The following TMEM256 variants were observed in gnomAD, a reference collection of about 807,000 sequenced individuals.
TMEM256 encodes UPF0451 protein C17orf61.
TMEM256 carries 14 observed loss-of-function variants against 14.8 expected under a neutral mutation model. That is an observed-to-expected ratio of 0.95 (90% CI 0.63 to 1.48). TMEM256 has a LOEUF of 1.48. TMEM256 is among the 40% of genes most tolerant of loss of function. TMEM256 has a pLI of 0.00. For missense variants in TMEM256, 146 were observed against 137.9 expected, an observed-to-expected ratio of 1.06 and a Z score of -0.30; for synonymous variants, 68 against 60.7, an observed-to-expected ratio of 1.12 and a Z score of -0.56.
At chr17:7,403,633 G>C in intron 2 of TMEM256, 25 bp downstream of exon 2, 3 of 1,613,786 alleles carry the variant, frequency 1.9e-6, no homozygotes, top group Non-Finnish European at 2.5e-6. Context: ...CCACGAGTCA[G>C]GGAGCCCCAG....
At position 7,403,784 on chromosome 17, in the gene TMEM256, A is replaced by ACCCCCC. The variant is rs56134360; in HGVS notation, c.86-101_86-96dup. ...CAGGTGGACATTGGCGAGAAAGGGC[A>ACCCCCC]CCCCCCCCCCCGCCCCAGGAAGCTT... is the stretch of plus-strand genomic sequence containing the variant. On this transcript the variant is annotated intron_variant, in intron 1 of 3. Coordinates refer to ENST00000302422, the MANE Select transcript of TMEM256 (RefSeq NM_152766.5). 508 of 1,030,740 alleles carry ACCCCCC rather than the reference A, an allele frequency of 4.9e-4. 7 individuals are homozygous for ACCCCCC. The highest frequency in any genetic ancestry group is 2.6e-3 in the African/African-American group (113 of 43,612). 63.8% of individuals were successfully genotyped at this position (1,030,740 alleles called of 1,614,324 possible).
At chr17:7,403,790 C>CCT in intron 1 of TMEM256, 101 bp from the exon 2 acceptor site, 7 of 1,034,970 alleles carry the variant, frequency 6.8e-6, no homozygotes, top group Middle Eastern at 2.8e-4. Flanking sequence ...GGGCACCCCC[C>CCT]CCCCCGCCCC....
chr17:7,404,010 G>T lies in TMEM256; in HGVS notation c.75C>A (p.Tyr25Ter). 1 of 1,597,900 alleles carries T rather than the reference G, an allele frequency of 6.3e-7. No individual in the cohort carries two copies. Among genetic ancestry groups the T allele is most frequent in the South Asian group, 1.1e-5 (1 of 88,458 alleles). The change falls in exon 1 of 4, where the codon TAC (tyrosine) becomes TAA (stop). Residue 25 changes from tyrosine to a stop codon, truncating the protein, a stop_gained. Transcript: ENST00000302422. LOFTEE classifies it high-confidence loss of function. ...CCCCAGCCCCCTGACCGTGCGCCCC[G>T]TAGGAAGCGAAGCCTAAGGCCGCAG... is the stretch of plus-strand genomic sequence containing the variant. ...SGAAALGFAS[Y>*]GAHGAQFPDA...
rs142141419 is a variant in TMEM256 at position 7,403,699 on chromosome 17, AAAG to A, written c.86-13_86-11del. ...TCTGGGAATTGGGCGCCTGTGGAGA[AAAG>A]AAGCAAAGGTTAGCGGTCCTAGTGC... On this transcript the variant is annotated splice_polypyrimidine_tract_variant and intron_variant, in intron 1 of 3. Transcript: ENST00000302422. 0.021 allele frequency: 34,067 copies of A among 1,613,542 alleles called. 1,307 individuals carry two copies. The highest frequency in any genetic ancestry group is 0.15 in the East Asian group (6,724 of 44,802).
At chr17:7,403,934 C>T in intron 1 of TMEM256, 66 bp downstream of exon 1, 1 of 1,472,594 alleles carries the variant, frequency 6.8e-7, no homozygotes, top group Non-Finnish European at 9.1e-7. Context: ...CCATAGGTTA[C>T]GCCCTTGCAG....
chr17:7,403,373 GTTGGCC>G lies in TMEM256; in HGVS notation c.129_134del (p.Lys43_Ala44del), dbSNP rs1174356251. The G allele has an allele frequency of 6.2e-7, 1 of 1,614,206 alleles. No homozygotes were observed. Among genetic ancestry groups the G allele is most frequent in the South Asian group, 1.1e-5 (1 of 91,088 alleles). The stretch of plus-strand genomic sequence containing the variant: ...CCAGGCTGTGTAAGAAGTGGTGTTT[GTTGGCC>G]TTGTCAAACAGCTGTAAGAAAAACA... On this transcript the variant is annotated inframe_deletion, in exon 3 of 4. Coordinates refer to ENST00000302422, the MANE Select transcript of TMEM256 (RefSeq NM_152766.5).
intron 1 of TMEM256, 101 bp from the exon 2 acceptor site, chr17:7,403,790 C>CCA (rs1487974880): frequency 1.7e-5 from 18 of 1,034,854 alleles, no homozygotes; most frequent in African/African-American, 9.2e-5. Flanking sequence ...GGGCACCCCC[C>CCA]CCCCCGCCCC....
Position 7,403,570 on chromosome 17 carries a change from C to T in TMEM256, c.117+88G>A, listed in dbSNP as rs984528597. The T allele has an allele frequency of 3.9e-6, 6 of 1,536,106 alleles. No individual in the cohort carries two copies. The African/African-American group carries it at 4.1e-5, about 11-fold the overall frequency. ...CTCCAGAGATCCGCGGCTCGCCCCA[C>T]CCTCTCCCCGCCCACTTCCCCCAGG... is the stretch of plus-strand genomic sequence containing the variant. On this transcript the variant is annotated intron_variant, in intron 2 of 3. Coordinates refer to ENST00000302422, the MANE Select transcript of TMEM256 (RefSeq NM_152766.5).
intron 1 of TMEM256, 94 bp from the exon 2 acceptor site, chr17:7,403,783 C>T: frequency 8.6e-7 from 1 of 1,164,048 alleles, no homozygotes; most frequent in Non-Finnish European, 1.1e-6. Context: ...CGAGAAAGGG[C>T]ACCCCCCCCC....
At position 7,404,050 on chromosome 17, in the gene TMEM256, C is replaced by T. The variant is rs757908414; in HGVS notation, c.35G>A (p.Gly12Asp). ...TAAGGCCGCAGCTCCGGACAAGGCG[C>T]CCAAGCGGCGGAAAGCTGCAGCTGG... ...AGPAAAFRRL[G>D]ALSGAAALGF... The change falls in exon 1 of 4, where the codon GGC becomes GAC. Residue 12 changes from glycine to aspartate, a missense_variant. By Grantham distance (94) the Gly-to-Asp change is moderately conservative (BLOSUM62 -1). Coordinates refer to ENST00000302422, the MANE Select transcript of TMEM256 (RefSeq NM_152766.5). 3 of 1,601,524 alleles carry T rather than the reference C, an allele frequency of 1.9e-6. No individual in the cohort carries two copies. The highest frequency in any genetic ancestry group is 2.6e-6 in the Non-Finnish European group (3 of 1,174,154).
chr17:7,403,784 A>ACCC (rs56134360), intron 1 of TMEM256, 95 bp from the exon 2 acceptor site: 27,399 of 1,020,454 alleles, frequency 0.027, 255 homozygotes, highest in Non-Finnish European at 0.031. Context: ...GAGAAAGGGC[A>ACCC]CCCCCCCCCC....
intron 1 of TMEM256, 92 bp downstream of exon 1, chr17:7,403,906 CGA>C (rs946719298): frequency 7.1e-7 from 1 of 1,400,348 alleles, no homozygotes; most frequent in African/African-American, 1.5e-5. Context: ...GTCTGATAAA[CGA>C]GAGGCCGGGC....
Position 7,403,296 on chromosome 17 carries a change from C to A in TMEM256, c.198+14G>T. On this transcript the variant is annotated intron_variant, in intron 3 of 3. Transcript: ENST00000302422. The stretch of plus-strand genomic sequence containing the variant: ...TGTGGGGCTTGGTCAGGGTTAGGCG[C>A]AGGGAAAGATTACCCAGAGTGGCTT... 6.2e-7 allele frequency: 1 copy of A among 1,614,154 alleles called. No individual in the cohort carries two copies.
rs1460609979 is a variant in TMEM256, at chr17:7,403,297, A to AG, written c.198+12dup. The AG allele has an allele frequency of 6.2e-7, 1 of 1,614,084 alleles. No homozygotes were observed. The highest frequency in any genetic ancestry group is 1.3e-5 in the African/African-American group (1 of 74,936). The stretch of plus-strand genomic sequence containing the variant: ...GTGGGGCTTGGTCAGGGTTAGGCGC[A>AG]GGGAAAGATTACCCAGAGTGGCTTT... On this transcript the variant is annotated intron_variant, in intron 3 of 3. Coordinates refer to ENST00000302422, the MANE Select transcript of TMEM256 (RefSeq NM_152766.5).
Position 7,403,331 on chromosome 17 carries a change from G to C in TMEM256, c.177C>G (p.Pro59=). 1 of 1,614,190 alleles carries C rather than the reference G, an allele frequency of 6.2e-7. No individual in the cohort carries two copies. The highest frequency in any genetic ancestry group is 8.5e-7 in the Non-Finnish European group (1 of 1,180,022). The part of the protein sequence containing the change: ...FLHSLALLGV[P]HCRKPLWAGL... ...TTACCCAGAGTGGCTTTCTGCAATG[G>C]GGCACCCCTAACAGGGCCAGGCTGT... The change falls in exon 3 of 4, where the codon CCC becomes CCG. Residue 59 remains proline, a synonymous_variant. Transcript: ENST00000302422.
intron 1 of TMEM256, 24 bp downstream of exon 1, chr17:7,403,976 C>T: frequency 6.4e-7 from 1 of 1,556,858 alleles, no homozygotes; most frequent in African/African-American, 1.4e-5. Context: ...AGTACAGTCC[C>T]ATCTTCGTCC....
At chr17:7,403,567 C>T in intron 2 of TMEM256, 91 bp downstream of exon 2, 2 of 1,565,730 alleles carry the variant, frequency 1.3e-6, no homozygotes, top group South Asian at 1.1e-5. Flanking sequence ...GCGGCTCGCC[C>T]CACCCTCTCC....
At chr17:7,403,470 T>G in intron 2 of TMEM256, 80 bp from the exon 3 acceptor site, 1 of 1,507,612 alleles carries the variant, frequency 6.6e-7, no homozygotes, top group Admixed American at 1.7e-5. Context: ...GGACCAAAGT[T>G]CCTTCCCCCA....
In TMEM256 at chr17:7,404,008, CCGTAGGAAGCGAA is replaced by C; in HGVS notation, c.64_76del (p.Phe22GlyfsTer31). ...GTCCCCAGCCCCCTGACCGTGCGCC[CCGTAGGAAGCGAA>C]GCCTAAGGCCGCAGCTCCGGACAAG... On this transcript the variant is annotated frameshift_variant, in exon 1 of 4. Coordinates refer to ENST00000302422, the MANE Select transcript of TMEM256 (RefSeq NM_152766.5). LOFTEE classifies it high-confidence loss of function. The C allele has an allele frequency of 1.3e-6, 2 of 1,596,716 alleles. No individual in the cohort carries two copies. The highest frequency in any genetic ancestry group is 1.7e-6 in the Non-Finnish European group (2 of 1,171,510).
Sources: allele counts gnomAD v4.1 joint callset, GRCh38; gene constraint gnomAD v4.1.1; transcripts MANE v1.5; gene names NCBI Gene and HGNC (gene_info 2026-07-23, HGNC 2026-07-21).